Variants in HS6ST2 observed in about 807,000 individuals in gnomAD.
HS6ST2 encodes the protein heparan-sulfate 6-O-sulfotransferase 2.
In HS6ST2, 17 loss-of-function variants were observed where a neutral mutation model predicts 33.0. That is an observed-to-expected ratio of 0.52 (90% CI 0.35 to 0.77). The LOEUF is 0.77. Among genes scored for constraint, HS6ST2 ranks in the 30% least tolerant of loss-of-function variants. The probability of loss-of-function intolerance (pLI) is 0.01; values close to 1 mark genes in which losing one functional copy is unlikely to be tolerated. For missense variants in HS6ST2, 519 were observed against 551.7 expected, an observed-to-expected ratio of 0.94 and a Z score of 0.59; for synonymous variants, 248 against 237.1, an observed-to-expected ratio of 1.05 and a Z score of -0.42.
At chrX:132,758,913 A>G (rs2064781412) in intron 2 of HS6ST2, among the ~76,000 whole-genome samples, 1 of 111,035 alleles carries the variant, frequency 9.0e-6, no homozygotes, top group Non-Finnish European at 1.9e-5. Flanking sequence ...TAGAAAGCCT[A>G]TAAACCATCC....
At chrX:132,809,734 G>A (rs755097527) in intron 2 of HS6ST2, among the ~76,000 whole-genome samples, 14 of 111,737 alleles carry the variant, frequency 1.3e-4, no homozygotes, top group Middle Eastern at 4.7e-3. Context: ...AAACCACCTC[G>A]ATGCTTCATT....
chrX:132,668,562 C>CA (rs1215447903), intron 4 of HS6ST2, among the ~76,000 whole-genome samples: 9 of 110,805 alleles, frequency 8.1e-5, no homozygotes, highest in Non-Finnish European at 1.5e-4. Flanking sequence ...TTGGTAATAC[C>CA]AAAAAAACAG....
intron 2 of HS6ST2, among the ~76,000 whole-genome samples, chrX:132,929,601 A>G (rs996812628): frequency 8.9e-6 from 1 of 111,813 alleles, no homozygotes; most frequent in Non-Finnish European, 1.9e-5. Context: ...TTGGAACACA[A>G]AATTACCAAG....
intron 2 of HS6ST2, among the ~76,000 whole-genome samples, chrX:132,887,428 GAAATT>G (rs1053158165): frequency 8.0e-5 from 9 of 111,918 alleles, no homozygotes; most frequent in African/African-American, 2.3e-4. Context: ...AGACATCAGG[GAAATT>G]AAATTAAAAG....
At chrX:132,832,486 C>A (rs888920538) in intron 2 of HS6ST2, among the ~76,000 whole-genome samples, 1 of 111,854 alleles carries the variant, frequency 8.9e-6, no homozygotes, top group African/African-American at 3.2e-5. Context: ...GGGCCACATA[C>A]TCTATGCTAC....
At chrX:132,681,457 T>G (rs2063969849) in intron 3 of HS6ST2, among the ~76,000 whole-genome samples, 1 of 111,494 alleles carries the variant, frequency 9.0e-6, no homozygotes, top group Non-Finnish European at 1.9e-5. Context: ...CAACTTGGCT[T>G]CAAAACGTCA....
chrX:132,853,906 G>A (rs747042346), intron 2 of HS6ST2, among the ~76,000 whole-genome samples: 3 of 110,387 alleles, frequency 2.7e-5, no homozygotes, highest in African/African-American at 6.6e-5. Context: ...ACAGGTAGTC[G>A]AAACTACTCG....
chrX:132,796,189 G>C (rs1296732461), intron 2 of HS6ST2, among the ~76,000 whole-genome samples: 4 of 112,006 alleles, frequency 3.6e-5, no homozygotes, highest in Non-Finnish European at 7.5e-5. Context: ...GCACACTTCT[G>C]AGAATCTTCT....
intron 2 of HS6ST2, among the ~76,000 whole-genome samples, chrX:132,915,885 C>T (rs970672027): frequency 5.1e-5 from 4 of 77,963 alleles, no homozygotes; most frequent in Admixed American, 1.2e-4. Context: ...TGTGCCACCA[C>T]GCCCGGCTAT....
At chrX:132,805,887 C>T (rs2065277283) in intron 2 of HS6ST2, among the ~76,000 whole-genome samples, 1 of 110,582 alleles carries the variant, frequency 9.0e-6, no homozygotes, top group Non-Finnish European at 1.9e-5. Context: ...GGGTTTATTA[C>T]ACAATGTTTT....
chrX:132,892,306 C>G (rs964470979), intron 2 of HS6ST2, among the ~76,000 whole-genome samples: 18 of 112,210 alleles, frequency 1.6e-4, no homozygotes, highest in African/African-American at 5.8e-4. Context: ...TCTTGCTACT[C>G]AAAATGTGGT....
At chrX:132,820,189 C>T (rs2065437486) in intron 2 of HS6ST2, among the ~76,000 whole-genome samples, 1 of 90,580 alleles carries the variant, frequency 1.1e-5, no homozygotes, top group South Asian at 4.6e-4. Context: ...GCAGACTATG[C>T]CCCTTAATGC....
At chrX:132,794,555 G>GGCT (rs1556445841) in intron 2 of HS6ST2, among the ~76,000 whole-genome samples, 2 of 92,277 alleles carry the variant, frequency 2.2e-5, no homozygotes, top group Admixed American at 1.2e-4. Context: ...CACCACTCCT[G>GGCT]GATGATGATG....
intron 2 of HS6ST2, among the ~76,000 whole-genome samples, chrX:132,910,524 A>G (rs2066521782): frequency 8.9e-6 from 1 of 112,108 alleles, no homozygotes; most frequent in African/African-American, 3.2e-5. Flanking sequence ...ACTACTAAAG[A>G]ACACCCTGAT....
chrX:132,937,905 G>C (rs1367486066), intron 2 of HS6ST2, among the ~76,000 whole-genome samples: 1 of 110,971 alleles, frequency 9.0e-6, no homozygotes, highest in Non-Finnish European at 1.9e-5. Flanking sequence ...ACTCACACCT[G>C]TAATCCCAGC....
chrX:132,883,909 C>G (rs967215979), intron 2 of HS6ST2, among the ~76,000 whole-genome samples: 1 of 112,170 alleles, frequency 8.9e-6, no homozygotes, highest in Non-Finnish European at 1.9e-5. Flanking sequence ...ATCTGTCTTC[C>G]TAGACTGGTT....
chrX:132,759,562 A>C (rs1193344913), intron 2 of HS6ST2, among the ~76,000 whole-genome samples: 1 of 111,232 alleles, frequency 9.0e-6, no homozygotes, highest in Non-Finnish European at 1.9e-5. Flanking sequence ...TGGGGTGCTG[A>C]AAATGTTTTG....
chrX:132,663,574 C>T (rs1045817046), intron 4 of HS6ST2, among the ~76,000 whole-genome samples: 2 of 112,673 alleles, frequency 1.8e-5, no homozygotes, highest in Non-Finnish European at 3.7e-5. Flanking sequence ...AAAAAATAAG[C>T]AGTAATATTA....
intron 4 of HS6ST2, among the ~76,000 whole-genome samples, chrX:132,649,339 T>C (rs998282831): frequency 7.1e-5 from 8 of 112,004 alleles, no homozygotes; most frequent in Non-Finnish European, 1.5e-4. Context: ...TAAATGTCAC[T>C]GTAGACATAG....
Sources: gnomAD v4.1 joint callset for allele counts (sites outside exome capture counted in the v4.1 genomes callset) on GRCh38, gnomAD v4.1.1 for gene constraint, MANE v1.5 for transcripts, NCBI Gene and HGNC (gene_info 2026-07-23, HGNC 2026-07-21) for gene names.